CDH4: variants seen among roughly 807,000 people sequenced by gnomAD.
The protein encoded by CDH4 is cadherin 4.
Under a neutral mutation model 86.0 loss-of-function variants are expected in CDH4, and 33 were observed. The observed-to-expected ratio is 0.38, with a 90% CI of 0.29 to 0.51. The LOEUF (loss-of-function observed/expected upper bound fraction) is 0.51, where lower values mean the gene tolerates loss of function less well. Ranked by LOEUF, CDH4 falls within the 20% of genes least tolerant of loss-of-function variation. CDH4 has a pLI of 0.86. For missense variants in CDH4, 1,114 were observed against 1,307.4 expected (o/e 0.85, Z 2.28); for synonymous variants, 555 against 549.4 (o/e 1.01, Z -0.14).
chr20:61,625,268 G>T lies in CDH4; in HGVS notation c.170-118295G>T, dbSNP rs147123727. Among the ~76,000 whole-genome samples, 42 of 152,280 alleles carry T rather than the reference G, an allele frequency of 2.8e-4. 1 individual carries two copies. Among genetic ancestry groups the T allele is most frequent in the South Asian group, 1.9e-3 (9 of 4,824 alleles). On this transcript the variant is annotated intron_variant, in intron 2 of 15. Transcript: ENST00000614565. Reference sequence around the variant, plus strand: ...CTCACTCGACCGCAGGGAGGGAGAGGCATTTTGACCAAGTTTGTTTCTCTG... The same window carrying T: ...CTCACTCGACCGCAGGGAGGGAGAGTCATTTTGACCAAGTTTGTTTCTCTG...
chr20:61,450,337 C>T (rs1022072136), intron 2 of CDH4, among the ~76,000 whole-genome samples: 1 of 152,168 alleles, frequency 6.6e-6, no homozygotes, highest in African/African-American at 2.4e-5. Context: ...CAGATCCAGC[C>T]TTACACACAT....
At chr20:61,626,647 G>A (rs921957007) in intron 2 of CDH4, among the ~76,000 whole-genome samples, 3 of 152,160 alleles carry the variant, frequency 2.0e-5, no homozygotes, top group Non-Finnish European at 4.4e-5. Context: ...CTTAGCTAAC[G>A]TGGGCAGCAG....
chr20:61,539,570 G>A (rs984830650), intron 2 of CDH4, among the ~76,000 whole-genome samples: 3 of 152,146 alleles, frequency 2.0e-5, no homozygotes, highest in Non-Finnish European at 2.9e-5. Context: ...CCTTAACCCC[G>A]TTTTAAAGGC....
chr20:61,270,076 C>T (rs1237552744), intron 2 of CDH4, among the ~76,000 whole-genome samples: 1 of 152,066 alleles, frequency 6.6e-6, no homozygotes, highest in Non-Finnish European at 1.5e-5. Context: ...TATGTGTGGC[C>T]CAAGATCTTT....
chr20:61,793,993 A>G (rs1212038762), intron 4 of CDH4, among the ~76,000 whole-genome samples: 1 of 149,232 alleles, frequency 6.7e-6, no homozygotes. Flanking sequence ...AAAAAAAAAA[A>G]TTAGCTGGGC....
chr20:61,714,489 C>T (rs561168732), intron 2 of CDH4, among the ~76,000 whole-genome samples: 10 of 152,116 alleles, frequency 6.6e-5, no homozygotes, highest in African/African-American at 9.6e-5. Flanking sequence ...AATTGTACAG[C>T]GGTGAAGTCT....
intron 2 of CDH4, among the ~76,000 whole-genome samples, chr20:61,448,316 C>T (rs1361254884): frequency 1.3e-5 from 2 of 152,236 alleles, no homozygotes; most frequent in African/African-American, 2.4e-5. Context: ...AACAAACCTG[C>T]ACTCTTCCAG....
chr20:61,927,653 G>T (rs1307486417), intron 11 of CDH4, among the ~76,000 whole-genome samples: 6 of 152,368 alleles, frequency 3.9e-5, no homozygotes, highest in African/African-American at 1.4e-4. Context: ...AGTCCCAGAT[G>T]GGGGCAAGAT....
intron 1 of CDH4, 149 bp from the exon 2 acceptor site, chr20:61,254,677 G>T: frequency 1.5e-6 from 1 of 652,124 alleles, no homozygotes; most frequent in Non-Finnish European, 2.8e-6. Flanking sequence ...CAGAGGAGCA[G>T]ACGGGGTATC....
intron 5 of CDH4, among the ~76,000 whole-genome samples, chr20:61,848,776 C>T (rs1005224817): frequency 6.6e-6 from 1 of 152,290 alleles, no homozygotes; most frequent in South Asian, 2.1e-4. Context: ...CATCTGCCTG[C>T]GTCAGCCTCC....
intron 9 of CDH4, among the ~76,000 whole-genome samples, chr20:61,919,753 T>C (rs975481543): frequency 1.3e-5 from 2 of 150,786 alleles, no homozygotes; most frequent in East Asian, 1.9e-4. Context: ...AAGCATGTCA[T>C]GGTTGCGTGG....
chr20:61,540,184 C>T (rs546170197), intron 2 of CDH4, among the ~76,000 whole-genome samples: 19 of 152,176 alleles, frequency 1.2e-4, no homozygotes, highest in Middle Eastern at 6.8e-3. Flanking sequence ...GATGGGCGGA[C>T]GAATGCACGG....
chr20:61,483,476 T>C (rs2085578927), intron 2 of CDH4, among the ~76,000 whole-genome samples: 1 of 152,188 alleles, frequency 6.6e-6, no homozygotes, highest in Admixed American at 6.5e-5. Context: ...TGCACGCCCA[T>C]TGAGCATGAA....
intron 2 of CDH4, among the ~76,000 whole-genome samples, chr20:61,447,912 C>T (rs1276419477): frequency 1.3e-5 from 2 of 151,900 alleles, no homozygotes; most frequent in East Asian, 3.9e-4. Flanking sequence ...CAGAATTCTC[C>T]CTCTTCCTTC....
At chr20:61,425,650 G>A (rs183648765) in intron 2 of CDH4, among the ~76,000 whole-genome samples, 14 of 152,388 alleles carry the variant, frequency 9.2e-5, no homozygotes, top group Admixed American at 9.1e-4. Flanking sequence ...CCCGGGTGAC[G>A]GCGCAGCCTG....
At chr20:61,307,650 A>G (rs931321515) in intron 2 of CDH4, among the ~76,000 whole-genome samples, 2 of 152,222 alleles carry the variant, frequency 1.3e-5, no homozygotes, top group African/African-American at 4.8e-5. Flanking sequence ...TGGGATTTGT[A>G]TGCTGATTGG....
intron 3 of CDH4, among the ~76,000 whole-genome samples, chr20:61,756,229 C>G (rs962346377): frequency 2.0e-5 from 3 of 152,252 alleles, no homozygotes; most frequent in Admixed American, 2.0e-4. Context: ...TGGGCCTGCA[C>G]CTGAGCTCCT....
At chr20:61,399,666 C>T (rs1421796423) in intron 2 of CDH4, among the ~76,000 whole-genome samples, 1 of 152,192 alleles carries the variant, frequency 6.6e-6, no homozygotes, top group African/African-American at 2.4e-5. Context: ...GGCAAATTGG[C>T]CACTCACGTC....
intron 2 of CDH4, among the ~76,000 whole-genome samples, chr20:61,314,803 C>T (rs1429332779): frequency 2.0e-5 from 3 of 152,166 alleles, no homozygotes; most frequent in Admixed American, 1.3e-4. Context: ...TTATCCTCGT[C>T]GTTTTGACAG....
Sources: gnomAD v4.1 joint callset for allele counts (sites outside exome capture counted in the v4.1 genomes callset) on GRCh38, gnomAD v4.1.1 for gene constraint, MANE v1.5 for transcripts, NCBI Gene and HGNC (gene_info 2026-07-23, HGNC 2026-07-21) for gene names.